Variants in ANKMY2 observed in about 807,000 individuals in gnomAD.
ANKMY2 encodes ankyrin repeat and MYND domain containing 2.
ANKMY2 carries 36 observed loss-of-function variants against 50.4 expected under a neutral mutation model. That is an observed-to-expected ratio of 0.71 (90% CI 0.55 to 0.94). ANKMY2 has a LOEUF of 0.94. ANKMY2 is among the 40% of genes least tolerant of loss of function. The pLI is 0.00. For missense variants in ANKMY2, 565 were observed against 524.0 expected, an observed-to-expected ratio of 1.08 and a Z score of -0.76; for synonymous variants, 187 against 178.8, an observed-to-expected ratio of 1.05 and a Z score of -0.36.
At chr7:16,619,716 T>C (rs1781406517) in intron 4 of ANKMY2, among the ~76,000 whole-genome samples, 1 of 152,110 alleles carries the variant, frequency 6.6e-6, no homozygotes, top group African/African-American at 2.4e-5. Context: ...ACTACTAATA[T>C]AGAAAATAAA....
At chr7:16,617,379 C>T (rs925236680) in intron 4 of ANKMY2, among the ~76,000 whole-genome samples, 1 of 151,986 alleles carries the variant, frequency 6.6e-6, no homozygotes, top group East Asian at 1.9e-4. Context: ...GATCCAGGAC[C>T]CTATCAGCTT....
chr7:16,620,628 G>A (rs1360876110), intron 4 of ANKMY2, among the ~76,000 whole-genome samples: 1 of 126,838 alleles, frequency 7.9e-6, no homozygotes, highest in Non-Finnish European at 1.6e-5. Flanking sequence ...ACACACAGAT[G>A]CATGCACAAA....
At chr7:16,624,274 T>G (rs1011975939) in intron 4 of ANKMY2, among the ~76,000 whole-genome samples, 2 of 152,174 alleles carry the variant, frequency 1.3e-5, no homozygotes, top group Non-Finnish European at 2.9e-5. Flanking sequence ...TGCTTTTCTC[T>G]CAGTGGACTC....
At chr7:16,632,083 TC>T (rs1163062559) in intron 2 of ANKMY2, among the ~76,000 whole-genome samples, 1 of 146,036 alleles carries the variant, frequency 6.8e-6, no homozygotes, top group Admixed American at 6.8e-5. Context: ...CTCCTTTCTT[TC>T]CCCCCGTCTT....
At chr7:16,623,987 T>C (rs1405614078) in intron 4 of ANKMY2, among the ~76,000 whole-genome samples, 5 of 152,188 alleles carry the variant, frequency 3.3e-5, no homozygotes, top group African/African-American at 1.2e-4. Context: ...TATCTGAACC[T>C]GACTTCTCTC....
At position 16,610,533 on chromosome 7, in the gene ANKMY2, A is replaced by C; in HGVS notation, c.746+16T>G. The C allele has an allele frequency of 6.3e-7, 1 of 1,578,030 alleles. No individual in the cohort carries two copies. Among genetic ancestry groups the C allele is most frequent in the African/African-American group, 1.4e-5 (1 of 73,856 alleles). On this transcript the variant is annotated intron_variant, in intron 6 of 9. Transcript: ENST00000306999. ...CACTTGAGTGTATTTTATAAACGAC[A>C]TAGTAAAAAGAGTACCTTTTGATCA...
chr7:16,619,309 A>T (rs1781401036), intron 4 of ANKMY2, among the ~76,000 whole-genome samples: 1 of 152,028 alleles, frequency 6.6e-6, no homozygotes, highest in Non-Finnish European at 1.5e-5. Context: ...GCCTGCCACC[A>T]CGCCCAACTA....
chr7:16,605,984 A>G (rs769811168), intron 7 of ANKMY2, among the ~76,000 whole-genome samples: 1 of 151,682 alleles, frequency 6.6e-6, no homozygotes, highest in Non-Finnish European at 1.5e-5. Flanking sequence ...CACCTGGCCA[A>G]TATTTTGTAA....
At chr7:16,643,508 A>G (rs753085637) in intron 1 of ANKMY2, among the ~76,000 whole-genome samples, 2 of 149,458 alleles carry the variant, frequency 1.3e-5, no homozygotes, top group African/African-American at 2.6e-5. Context: ...GCATGGTCCA[A>G]TGAAAGCGAT....
At chr7:16,615,287 C>T (rs1159762179) in intron 5 of ANKMY2, among the ~76,000 whole-genome samples, 6 of 152,186 alleles carry the variant, frequency 3.9e-5, no homozygotes, top group East Asian at 1.9e-4. Flanking sequence ...ACCAGGCCCC[C>T]GGGGCTCTCA....
intron 1 of ANKMY2, chr7:16,644,911 C>T: frequency 2.9e-6 from 1 of 347,794 alleles, no homozygotes; most frequent in South Asian, 2.1e-5. Flanking sequence ...CGCCAATTTC[C>T]TTGTCTCTCT....
chr7:16,602,856 C>T (rs1412540197), intron 8 of ANKMY2, among the ~76,000 whole-genome samples: 1 of 152,202 alleles, frequency 6.6e-6, no homozygotes, highest in East Asian at 1.9e-4. Flanking sequence ...CCTCCTCTTG[C>T]TCCAGCTCCT....
At chr7:16,641,226 CCT>C (rs1030407048) in intron 1 of ANKMY2, among the ~76,000 whole-genome samples, 4 of 143,734 alleles carry the variant, frequency 2.8e-5, no homozygotes, top group Non-Finnish European at 6.2e-5. Flanking sequence ...AGGGTGAGAC[CCT>C]GTCTCACACA....
Position 16,645,737 on chromosome 7 carries a change from C to T in ANKMY2, c.-164G>A. 2.6e-6 allele frequency: 2 copies of T among 777,916 alleles called. No homozygotes were observed. Among genetic ancestry groups the T allele is most frequent in the Non-Finnish European group, 3.8e-6 (2 of 532,294 alleles). The allele number at this position is 777,916 out of a possible 1,614,324, so 48.2% of individuals were successfully genotyped here. On this transcript the variant is annotated 5_prime_UTR_variant, in exon 1 of 10. Coordinates refer to ENST00000306999, the MANE Select transcript of ANKMY2 (RefSeq NM_020319.3). Reference sequence around the variant, plus strand: ...TTCTCTCCTCCCTCCCGCGGGCTGGCGGACAGCGGGCGAGCTCGGGCGAGC... The same window carrying T: ...TTCTCTCCTCCCTCCCGCGGGCTGGTGGACAGCGGGCGAGCTCGGGCGAGC...
At chr7:16,607,997 C>T (rs924082627) in intron 7 of ANKMY2, among the ~76,000 whole-genome samples, 1 of 152,070 alleles carries the variant, frequency 6.6e-6, no homozygotes, top group Non-Finnish European at 1.5e-5. Context: ...TTCCTGCCTG[C>T]CTGGGATAGG....
intron 8 of ANKMY2, 92 bp downstream of exon 8, chr7:16,604,629 A>G (rs935419440): frequency 2.7e-6 from 4 of 1,463,192 alleles, no homozygotes; most frequent in Non-Finnish European, 3.7e-6. Context: ...TTAGAAAACT[A>G]ATGTCCACTC....
At position 16,645,737 on chromosome 7, in the gene ANKMY2, C is replaced by A. The variant is rs1431277147; in HGVS notation, c.-164G>T. Reference sequence around the variant, plus strand: ...TTCTCTCCTCCCTCCCGCGGGCTGGCGGACAGCGGGCGAGCTCGGGCGAGC... The same window carrying A: ...TTCTCTCCTCCCTCCCGCGGGCTGGAGGACAGCGGGCGAGCTCGGGCGAGC... On this transcript the variant is annotated 5_prime_UTR_variant, in exon 1 of 10. Coordinates refer to ENST00000306999, the MANE Select transcript of ANKMY2 (RefSeq NM_020319.3). 3 of 777,918 alleles carry A rather than the reference C, an allele frequency of 3.9e-6. No homozygotes were observed. Among genetic ancestry groups the A allele is most frequent in the Non-Finnish European group, 3.8e-6 (2 of 532,296 alleles). The allele number at this position is 777,918 out of a possible 1,614,324, so 48.2% of individuals were successfully genotyped here. A position where few individuals can be genotyped will look rare whatever the true frequency, so the allele number is the denominator to read the frequency against.
intron 1 of ANKMY2, among the ~76,000 whole-genome samples, chr7:16,640,867 A>C (rs1249622853): frequency 1.3e-5 from 2 of 152,140 alleles, no homozygotes; most frequent in Non-Finnish European, 2.9e-5. Context: ...ACGAAAACGG[A>C]TATTTTAAGG....
At chr7:16,628,150 G>A (rs1434493804) in intron 2 of ANKMY2, among the ~76,000 whole-genome samples, 1 of 152,178 alleles carries the variant, frequency 6.6e-6, no homozygotes, top group African/African-American at 2.4e-5. Context: ...TCTCAGTAGT[G>A]TAGGCGAAAC....
Sources: gnomAD v4.1 joint callset for allele counts (sites outside exome capture counted in the v4.1 genomes callset) on GRCh38, gnomAD v4.1.1 for gene constraint, MANE v1.5 for transcripts, NCBI Gene and HGNC (gene_info 2026-07-23, HGNC 2026-07-21) for gene names.